The following FARSB variants were observed in gnomAD, a reference collection of about 807,000 sequenced individuals.
FARSB encodes phenylalanyl-tRNA synthetase subunit beta, also known as phenylalanine--tRNA ligase beta subunit.
In FARSB, 40 loss-of-function variants were observed where a neutral mutation model predicts 69.6. That is an observed-to-expected ratio of 0.57 (90% CI 0.45 to 0.75). The LOEUF is 0.75. FARSB is among the 30% of genes least tolerant of loss of function. The pLI is 0.00. For synonymous variants in FARSB, 235 were observed against 247.2 expected, an observed-to-expected ratio of 0.95 and a Z score of 0.46; for missense variants, 632 against 722.9, an observed-to-expected ratio of 0.87 and a Z score of 1.44.
chr2:222,611,992 T>C (rs932845172), intron 15 of FARSB, among the ~76,000 whole-genome samples: 4 of 152,178 alleles, frequency 2.6e-5, no homozygotes, highest in African/African-American at 9.7e-5. Flanking sequence ...CTAACCCTGA[T>C]TTATAAATGT....
intron 6 of FARSB, among the ~76,000 whole-genome samples, chr2:222,634,018 T>C (rs1452181344): frequency 1.3e-5 from 2 of 152,244 alleles, no homozygotes; most frequent in African/African-American, 2.4e-5. Flanking sequence ...TCATTTTCGC[T>C]GCTGGACTTT....
chr2:222,618,691 C>T (rs1054834839), intron 14 of FARSB, among the ~76,000 whole-genome samples: 39 of 152,142 alleles, frequency 2.6e-4, no homozygotes, highest in Non-Finnish European at 5.3e-4. Flanking sequence ...TTTAAATATT[C>T]CTAACCTCTA....
chr2:222,654,276 A>G (rs1692115055), intron 1 of FARSB, among the ~76,000 whole-genome samples: 1 of 152,234 alleles, frequency 6.6e-6, no homozygotes, highest in East Asian at 1.9e-4. Flanking sequence ...AAAATTCCAC[A>G]CCTGACTCCA....
At chr2:222,651,745 T>C (rs1011442249) in intron 1 of FARSB, among the ~76,000 whole-genome samples, 2 of 152,220 alleles carry the variant, frequency 1.3e-5, no homozygotes, top group African/African-American at 2.4e-5. Flanking sequence ...GAAATACATA[T>C]GCAGAAGCAT....
At chr2:222,642,586 AT>A (rs1203783331) in intron 3 of FARSB, among the ~76,000 whole-genome samples, 2 of 152,204 alleles carry the variant, frequency 1.3e-5, no homozygotes, top group African/African-American at 4.8e-5. Flanking sequence ...CTGCTAAATA[AT>A]TTTTTAAGAC....
intron 2 of FARSB, chr2:222,644,650 G>A (rs796135513): frequency 8.3e-6 from 3 of 362,706 alleles, no homozygotes; most frequent in South Asian, 6.3e-5. Context: ...ATCCACAGGG[G>A]ATATGTTTCA....
Position 222,639,616 on chromosome 2 carries a change from A to G in FARSB, c.419T>C (p.Ile140Thr), listed in dbSNP as rs1376600050. The G allele has an allele frequency of 4.4e-6, 7 of 1,592,596 alleles. No homozygotes were observed. Among genetic ancestry groups the G allele is most frequent in the African/African-American group, 4.0e-5 (3 of 74,462 alleles). The change falls in exon 5 of 17, where the codon ATT becomes ACT. Residue 140 changes from isoleucine (I) to threonine (T), a missense_variant. Transcript: ENST00000281828. ...CTGATGTAATTTCTCCTGAAGTTCA[A>G]TGAAGCTGTCATATCGATCTTTAGT... ...KFTKDRYDSFIELQEKLHQNI... is the reference protein window; with the variant it reads ...KFTKDRYDSFTELQEKLHQNI...
intron 16 of FARSB, among the ~76,000 whole-genome samples, chr2:222,590,563 A>AG (rs1171933237): frequency 6.6e-6 from 1 of 151,782 alleles, no homozygotes; most frequent in Non-Finnish European, 1.5e-5. Context: ...AAAAAAAAAA[A>AG]AAGACAATTG....
rs142277246 is a variant in FARSB, at chr2:222,585,225, A to G, written c.1619-13203T>C. Among the ~76,000 whole-genome samples the G allele has an allele frequency of 3.5e-3, 540 of 152,340 alleles. 1 individual carries two copies. The highest frequency in any genetic ancestry group is 5.7e-3 in the Admixed American group (88 of 15,306). On this transcript the variant is annotated intron_variant, in intron 16 of 16. Transcript: ENST00000281828. ...AGCCTCCGCTGGTGATACCCAGGCA[A>G]ACAGGGTCTGGAGTGGACCTCCAGC...
chr2:222,600,224 T>C, intron 15 of FARSB, 141 bp from the exon 16 acceptor site: 1 of 624,550 alleles, frequency 1.6e-6, no homozygotes, highest in African/African-American at 1.9e-5. Flanking sequence ...ACCTCACAAA[T>C]GCAAAATAAG....
At chr2:222,648,329 G>A (rs1206752188) in intron 2 of FARSB, among the ~76,000 whole-genome samples, 2 of 152,198 alleles carry the variant, frequency 1.3e-5, no homozygotes, top group East Asian at 3.9e-4. Context: ...AGGCACGGAG[G>A]AAGGTTATGG....
At chr2:222,582,823 G>A (rs914185300) in intron 16 of FARSB, among the ~76,000 whole-genome samples, 2 of 151,826 alleles carry the variant, frequency 1.3e-5, no homozygotes, top group African/African-American at 4.8e-5. Context: ...TACTCGGGAG[G>A]CTGAGGCAGG....
chr2:222,654,067 A>T (rs998025425), intron 1 of FARSB, among the ~76,000 whole-genome samples: 1 of 152,234 alleles, frequency 6.6e-6, no homozygotes, highest in Non-Finnish European at 1.5e-5. Context: ...CACCATTTTT[A>T]AAAATCTGGA....
intron 16 of FARSB, 30 bp downstream of exon 16, chr2:222,599,898 C>G (rs772250086): frequency 6.5e-7 from 1 of 1,536,220 alleles, no homozygotes; most frequent in Non-Finnish European, 8.7e-7. Context: ...GACACTGTCA[C>G]TAACTCTGGA....
At chr2:222,586,579 T>A (rs1333736876) in intron 16 of FARSB, among the ~76,000 whole-genome samples, 1 of 151,814 alleles carries the variant, frequency 6.6e-6, no homozygotes, top group African/African-American at 2.4e-5. Context: ...TTGGATAGAA[T>A]CAAGACCCAT....
chr2:222,635,647 T>G (rs762760567), intron 5 of FARSB, among the ~76,000 whole-genome samples: 4 of 152,068 alleles, frequency 2.6e-5, no homozygotes, highest in Non-Finnish European at 4.4e-5. Context: ...AAACAGTACC[T>G]CAAAACATCA....
chr2:222,621,021 C>A (rs1169209427), intron 13 of FARSB, among the ~76,000 whole-genome samples: 2 of 152,146 alleles, frequency 1.3e-5, no homozygotes, highest in Admixed American at 6.5e-5. Flanking sequence ...TGGGGATAAG[C>A]GTTTTCCCCA....
chr2:222,617,911 T>C (rs966589349), intron 14 of FARSB, among the ~76,000 whole-genome samples: 2 of 152,108 alleles, frequency 1.3e-5, no homozygotes, highest in Non-Finnish European at 2.9e-5. Context: ...AAATAAAGTT[T>C]TTTAAAAAAG....
intron 16 of FARSB, among the ~76,000 whole-genome samples, chr2:222,596,061 C>G (rs1390593819): frequency 1.3e-5 from 2 of 152,044 alleles, no homozygotes; most frequent in Admixed American, 1.3e-4. Context: ...CAACATTGAT[C>G]TTATTCTGTC....
Sources: gnomAD v4.1 joint callset for allele counts (sites outside exome capture counted in the v4.1 genomes callset) on GRCh38, gnomAD v4.1.1 for gene constraint, MANE v1.5 for transcripts, NCBI Gene and HGNC (gene_info 2026-07-23, HGNC 2026-07-21) for gene names.